The following CACNA1C variants were observed in gnomAD, a reference collection of about 807,000 sequenced individuals.
CACNA1C encodes voltage-dependent L-type calcium channel subunit alpha-1C.
A neutral mutation model predicts 229.0 loss-of-function variants in CACNA1C; 30 were observed. The observed-to-expected ratio is 0.13, with a 90% CI of 0.10 to 0.18. The LOEUF (loss-of-function observed/expected upper bound fraction) is 0.18. CACNA1C is among the 10% of genes least tolerant of loss of function. CACNA1C has a pLI of 1.00. For missense variants in CACNA1C, 1,658 were observed against 2,845.0 expected (o/e 0.58, Z 9.49); for synonymous variants, 1,114 against 1,132.5 (o/e 0.98, Z 0.33).
intron 3 of CACNA1C, among the ~76,000 whole-genome samples, chr12:2,273,333 T>C (rs1053796831): frequency 6.6e-6 from 1 of 151,994 alleles, no homozygotes; most frequent in African/African-American, 2.4e-5. Flanking sequence ...AATTTTCTTT[T>C]CAAATATTTT....
At position 2,691,892 on chromosome 12, in the gene CACNA1C, G is replaced by A. The variant is rs2097793429; in HGVS notation, c.*693G>A. 6.6e-6 allele frequency: 1 copy of A among 152,228 alleles called. No individual in the cohort carries two copies. Among genetic ancestry groups the A allele is most frequent in the Admixed American group, 6.5e-5 (1 of 15,276 alleles). 9.4% of individuals were successfully genotyped at this position (152,228 alleles called of 1,614,324 possible). On this transcript the variant is annotated 3_prime_UTR_variant, in exon 47 of 47. Transcript: ENST00000399655. ...AACCAGGTGGTGCTGAGCTTCCGCT[G>A]AGCGCTCTTTTGTTTTGTGGTTTGA...
chr12:2,489,083 A>G (rs1302117409), intron 6 of CACNA1C, among the ~76,000 whole-genome samples: 1 of 152,078 alleles, frequency 6.6e-6, no homozygotes, highest in Admixed American at 6.6e-5. Context: ...TAAACTTTGG[A>G]ATGGGTGGTT....
In CACNA1C at chr12:2,021,539, G is replaced by T. The variant is rs982986135; in HGVS notation, c.139+50338G>T. Among the ~76,000 whole-genome samples, 6 of 152,190 alleles carry T rather than the reference G, an allele frequency of 3.9e-5. No homozygotes were observed. The South Asian group carries it at 1.2e-3, about 32-fold the overall frequency. ...ACTAAAAATACTAAAAATAAGCAGG[G>T]CGTAGTGGTAGGCACCTGTAATTCC... On this transcript the variant is annotated intron_variant, in intron 1 of 46. Coordinates refer to the CACNA1C transcript ENST00000682462.
At position 2,257,375 on chromosome 12, in the gene CACNA1C, G is replaced by A. The variant is rs114707265; in HGVS notation, c.477+136945G>A. On this transcript the variant is annotated intron_variant, in intron 3 of 46. Coordinates refer to ENST00000399655, the MANE Select transcript of CACNA1C (RefSeq NM_000719.7). ...CTTTTTGGCACCAGGAATCAGTTTC[G>A]TGGAAGACAATTTTTCCATGGAGGA... 3.9e-4 allele frequency among the ~76,000 whole-genome samples: 60 copies of A among 152,274 alleles called. 1 individual carries two copies. The highest frequency in any genetic ancestry group is 6.8e-3 in the Middle Eastern group (2 of 294).
At chr12:2,070,319 T>C (rs939405021) in intron 1 of CACNA1C, among the ~76,000 whole-genome samples, 15 of 152,194 alleles carry the variant, frequency 9.9e-5, no homozygotes, top group Admixed American at 7.9e-4. Context: ...ATCTTACTTG[T>C]GGTAGGTGTG....
chr12:1,993,053 T>C (rs947345677), intron 1 of CACNA1C: 3 of 709,200 alleles, frequency 4.2e-6, no homozygotes, highest in Middle Eastern at 2.4e-4. Context: ...TAGGTTTATA[T>C]CATCATATTT....
At chr12:1,978,763 T>C (rs2035192882) in intron 1 of CACNA1C, among the ~76,000 whole-genome samples, 1 of 152,238 alleles carries the variant, frequency 6.6e-6, no homozygotes, top group Non-Finnish European at 1.5e-5. Context: ...CAACTTCATA[T>C]AAACTTCATA....
intron 3 of CACNA1C, among the ~76,000 whole-genome samples, chr12:2,370,551 TAGC>T (rs2097840806): frequency 1.3e-5 from 2 of 152,228 alleles, no homozygotes. Context: ...TTCACATTAA[TAGC>T]AGGATATAAA....
At chr12:2,401,141 G>C (rs2098671823) in intron 3 of CACNA1C, among the ~76,000 whole-genome samples, 1 of 152,202 alleles carries the variant, frequency 6.6e-6, no homozygotes, top group South Asian at 2.1e-4. Flanking sequence ...GTCTGGAAGA[G>C]GCCAGAATTA....
At chr12:2,461,442 CTCTG>C (rs1411170601) in intron 5 of CACNA1C, among the ~76,000 whole-genome samples, 1 of 152,112 alleles carries the variant, frequency 6.6e-6, no homozygotes, top group Admixed American at 6.6e-5. Context: ...GAGACCTCTC[CTCTG>C]TCTGTACTCA....
intron 3 of CACNA1C, among the ~76,000 whole-genome samples, chr12:2,337,037 G>A (rs1008566787): frequency 3.9e-5 from 6 of 152,208 alleles, no homozygotes; most frequent in Non-Finnish European, 8.8e-5. Flanking sequence ...AACAACCAAT[G>A]CATATGGGAA....
chr12:2,412,937 T>G (rs2098824643), intron 3 of CACNA1C, among the ~76,000 whole-genome samples: 1 of 152,214 alleles, frequency 6.6e-6, no homozygotes, highest in African/African-American at 2.4e-5. Context: ...CAATTCAAAA[T>G]GTAAGTAAAA....
At chr12:2,379,817 G>T (rs953811185) in intron 3 of CACNA1C, among the ~76,000 whole-genome samples, 1 of 151,626 alleles carries the variant, frequency 6.6e-6, no homozygotes, top group Non-Finnish European at 1.5e-5. Flanking sequence ...GGATCACGAG[G>T]TCAGGAGATC....
rs1028691665 is a variant in CACNA1C, at chr12:2,572,040, T to C, written c.1895+4246T>C. Among the ~76,000 whole-genome samples the C allele has an allele frequency of 3.7e-3, 73 of 19,844 alleles. 1 individual carries two copies. Among genetic ancestry groups the C allele is most frequent in the East Asian group, 9.6e-3 (1 of 104 alleles). 13.0% of individuals were successfully genotyped at this position (19,844 alleles called of 152,430 possible). On this transcript the variant is annotated intron_variant, in intron 13 of 46. Coordinates refer to ENST00000399655, the MANE Select transcript of CACNA1C (RefSeq NM_000719.7). ...ATATGTAGAAGAAATTTCTTCTCTTTTTTTTTTTTTTTTTTTTTACAATGT... is the reference window on the plus strand; with the variant it reads ...ATATGTAGAAGAAATTTCTTCTCTTCTTTTTTTTTTTTTTTTTTACAATGT...
At chr12:2,382,163 G>A (rs915565278) in intron 3 of CACNA1C, among the ~76,000 whole-genome samples, 3 of 152,182 alleles carry the variant, frequency 2.0e-5, no homozygotes, top group Admixed American at 6.5e-5. Context: ...GTATTCCTTC[G>A]CAAGTATAGA....
At chr12:2,610,416 T>C in intron 27 of CACNA1C, 125 bp from the exon 28 acceptor site, 1 of 961,180 alleles carries the variant, frequency 1.0e-6, no homozygotes, top group Non-Finnish European at 1.5e-6. Context: ...CAATGATTTC[T>C]CAGACTTCCG....
chr12:2,089,952 C>T (rs1350256159), intron 1 of CACNA1C, among the ~76,000 whole-genome samples: 1 of 152,134 alleles, frequency 6.6e-6, no homozygotes, highest in Non-Finnish European at 1.5e-5. Context: ...TGGCGTGAAC[C>T]CGGGAGGCGG....
chr12:2,388,718 G>A (rs939425338), intron 3 of CACNA1C, among the ~76,000 whole-genome samples: 20 of 151,972 alleles, frequency 1.3e-4, no homozygotes, highest in African/African-American at 4.8e-4. Flanking sequence ...CTTTGGGTTT[G>A]TGGAGTTGAC....
chr12:2,269,480 A>G (rs1324400704), intron 3 of CACNA1C, among the ~76,000 whole-genome samples: 4 of 152,176 alleles, frequency 2.6e-5, no homozygotes, highest in African/African-American at 2.4e-5. Flanking sequence ...TCTAGATAAC[A>G]TAGATGTACA....
Sources: allele counts gnomAD v4.1 joint callset (sites outside exome capture counted in the v4.1 genomes callset), GRCh38; gene constraint gnomAD v4.1.1; transcripts MANE v1.5; gene names NCBI Gene and HGNC (gene_info 2026-07-23, HGNC 2026-07-21).